The following GNPTAB variants were observed in gnomAD, a reference collection of about 807,000 sequenced individuals.
GNPTAB encodes N-acetylglucosamine-1-phosphotransferase subunits alpha/beta.
Under a neutral mutation model 136.6 loss-of-function variants are expected in GNPTAB, and 92 were observed. The ratio of observed to expected loss-of-function variants is 0.67; its 90% CI spans 0.57 to 0.80. The LOEUF is 0.80. GNPTAB is among the 30% of genes least tolerant of loss of function. The pLI, the probability that GNPTAB is intolerant of heterozygous loss-of-function variation, is 0.00. For missense variants in GNPTAB, 1,343 were observed against 1,501.8 expected (o/e 0.89, Z 1.75); for synonymous variants, 512 against 535.1 (o/e 0.96, Z 0.60).
intron 1 of GNPTAB, among the ~76,000 whole-genome samples, chr12:101,816,549 T>C (rs1870516421): frequency 6.6e-6 from 1 of 152,138 alleles, no homozygotes; most frequent in Non-Finnish European, 1.5e-5. Context: ...AAATAAGAAA[T>C]GCTAGCAAGG....
chr12:101,816,964 AT>A (rs1234136952), intron 1 of GNPTAB, among the ~76,000 whole-genome samples: 2 of 152,206 alleles, frequency 1.3e-5, no homozygotes, highest in African/African-American at 2.4e-5. Flanking sequence ...TTGCATTCAC[AT>A]TTCTCACTCA....
intron 5 of GNPTAB, among the ~76,000 whole-genome samples, chr12:101,784,933 C>T (rs543626257): frequency 7.2e-5 from 11 of 152,214 alleles, no homozygotes; most frequent in East Asian, 1.9e-4. Context: ...GAGCAGAAGA[C>T]GCAGGTTATG....
intron 1 of GNPTAB, among the ~76,000 whole-genome samples, chr12:101,824,433 T>TATATATATATATATATATATATATATATA (rs1423746036): frequency 2.2e-5 from 2 of 90,656 alleles, no homozygotes; most frequent in Non-Finnish European, 4.1e-5. Context: ...TATATATATA[T>TATATATATATATATATATATATATATATA]TTTCTTTTTT....
chr12:101,781,069 C>T (rs981350649), intron 5 of GNPTAB, among the ~76,000 whole-genome samples: 1 of 152,184 alleles, frequency 6.6e-6, no homozygotes, highest in East Asian at 1.9e-4. Flanking sequence ...CAGGGGGCTA[C>T]TATGGATCTT....
At chr12:101,802,908 G>A (rs552303838) in intron 1 of GNPTAB, among the ~76,000 whole-genome samples, 4 of 152,218 alleles carry the variant, frequency 2.6e-5, no homozygotes, top group Admixed American at 2.0e-4. Flanking sequence ...CTCCAGTTAC[G>A]GCAGATGGAG....
chr12:101,821,056 TCAAA>T (rs1566101503), intron 1 of GNPTAB, among the ~76,000 whole-genome samples: 9 of 114,702 alleles, frequency 7.8e-5, no homozygotes, highest in African/African-American at 9.8e-5. Context: ...AGACTCCGTC[TCAAA>T]AAAAAAAAAA....
rs559323732 is a variant in GNPTAB, at chr12:101,809,463, T to C, written c.118-12701A>G. On this transcript the variant is annotated intron_variant, in intron 1 of 20. Coordinates refer to ENST00000299314, the MANE Select transcript of GNPTAB (RefSeq NM_024312.5). ...GAAAAATTGTGTCCATATAAAAACCTGCACATAAACGTATATAGCAGCTTT... is the reference window on the plus strand; with the variant it reads ...GAAAAATTGTGTCCATATAAAAACCCGCACATAAACGTATATAGCAGCTTT... 1.2e-3 allele frequency among the ~76,000 whole-genome samples: 179 copies of C among 152,324 alleles called. 1 individual carries two copies. Among genetic ancestry groups the C allele is most frequent in the Non-Finnish European group, 2.2e-3 (152 of 68,026 alleles).
rs1953052504 is a variant in GNPTAB at position 101,764,374 on chromosome 12, T to C, written c.2543A>G (p.Lys848Arg). 1.9e-6 allele frequency: 3 copies of C among 1,614,016 alleles called. No homozygotes were observed. The highest frequency in any genetic ancestry group is 2.5e-6 in the Non-Finnish European group (3 of 1,180,022). ...LIVPLESQMT[K>R]EKKITGKEKE... ...TTCTTTCCCTGTGATTTTCTTTTCT[T>C]TTGTCATCTGGCTTTCCAGTGGAAC... The change falls in exon 13 of 21, where the codon AAA becomes AGA. Residue 848 changes from lysine (K) to arginine (R), a missense_variant. Lys to Arg is a conservative substitution (Grantham distance 26). Coordinates refer to ENST00000299314, the MANE Select transcript of GNPTAB (RefSeq NM_024312.5).
intron 1 of GNPTAB, among the ~76,000 whole-genome samples, chr12:101,808,216 C>G (rs1348480976): frequency 6.6e-6 from 1 of 152,036 alleles, no homozygotes; most frequent in Non-Finnish European, 1.5e-5. Flanking sequence ...TCAATGCAAA[C>G]TCAACTAAAA....
chr12:101,768,289 T>C (rs1301389223), intron 10 of GNPTAB, 129 bp from the exon 11 acceptor site: 5 of 988,672 alleles, frequency 5.1e-6, no homozygotes, highest in South Asian at 3.0e-5. Flanking sequence ...GGGCTCAGCG[T>C]TCACACTCAC....
At chr12:101,751,345 C>T (rs142105664) in intron 19 of GNPTAB, among the ~76,000 whole-genome samples, 59 of 152,280 alleles carry the variant, frequency 3.9e-4, no homozygotes, top group African/African-American at 1.3e-3. Flanking sequence ...CTCTTATTGC[C>T]GCCCTCAATA....
chr12:101,821,585 A>G (rs1376547829), intron 1 of GNPTAB, among the ~76,000 whole-genome samples: 1 of 152,284 alleles, frequency 6.6e-6, no homozygotes, highest in African/African-American at 2.4e-5. Context: ...ATCATGGTAG[A>G]AAGGTCCAGG....
chr12:101,808,010 TGCTAAAAAAGAAAA>T (rs1283078243), intron 1 of GNPTAB, among the ~76,000 whole-genome samples: 30 of 152,240 alleles, frequency 2.0e-4, no homozygotes, highest in Admixed American at 1.0e-3. Flanking sequence ...TAGCACCCCC[TGCTAAAAAAGAAAA>T]ATAAGAAATG....
intron 15 of GNPTAB, 21 bp from the exon 16 acceptor site, chr12:101,760,164 A>T: frequency 7.2e-7 from 1 of 1,393,250 alleles, no homozygotes; most frequent in Non-Finnish European, 1.0e-6. Context: ...AAAAGATGAT[A>T]AATCTGTTAT....
intron 1 of GNPTAB, among the ~76,000 whole-genome samples, chr12:101,817,534 G>T (rs1228064633): frequency 1.3e-5 from 2 of 152,070 alleles, no homozygotes; most frequent in Admixed American, 1.3e-4. Context: ...CTCTCAAAGT[G>T]CTGGGATTCA....
chr12:101,769,934 T>G, intron 10 of GNPTAB, 87 bp downstream of exon 10: 1 of 1,277,244 alleles, frequency 7.8e-7, no homozygotes, highest in Non-Finnish European at 1.1e-6. Context: ...TCTGGCCTGA[T>G]ATTTGACTAC....
chr12:101,759,295 G>A (rs1369555077), intron 16 of GNPTAB, among the ~76,000 whole-genome samples: 2 of 150,700 alleles, frequency 1.3e-5, no homozygotes, highest in South Asian at 2.1e-4. Context: ...CCCGGAAGGC[G>A]GAGCTTGCAG....
intron 18 of GNPTAB, among the ~76,000 whole-genome samples, chr12:101,753,782 C>T (rs1332689040): frequency 6.6e-6 from 1 of 152,136 alleles, no homozygotes; most frequent in Non-Finnish European, 1.5e-5. Flanking sequence ...TTAATGACTT[C>T]CTTTTAGAGT....
intron 1 of GNPTAB, among the ~76,000 whole-genome samples, chr12:101,819,978 T>C (rs932442632): frequency 1.8e-4 from 27 of 152,188 alleles, no homozygotes; most frequent in African/African-American, 5.5e-4. Context: ...TCTCCTGTTC[T>C]GTATTTAAGG....
Sources: allele counts gnomAD v4.1 joint callset (sites outside exome capture counted in the v4.1 genomes callset), GRCh38; gene constraint gnomAD v4.1.1; transcripts MANE v1.5; gene names NCBI Gene and HGNC (gene_info 2026-07-23, HGNC 2026-07-21).